NAV2: variants seen among roughly 807,000 people sequenced by gnomAD.
The protein encoded by NAV2 is helicase, APC down-regulated 1.
NAV2 carries 54 observed loss-of-function variants against 223.2 expected under a neutral mutation model. The ratio of observed to expected loss-of-function variants is 0.24; its 90% confidence interval spans 0.19 to 0.30. The LOEUF is 0.30. NAV2 is among the 10% of genes least tolerant of loss of function. The pLI, the probability that NAV2 is intolerant of heterozygous loss-of-function variation, is 1.00. For missense variants in NAV2, 2,806 were observed against 3,147.5 expected (o/e 0.89, Z 2.60); for synonymous variants, 1,279 against 1,239.3 (o/e 1.03, Z -0.67).
intron 1 of NAV2, among the ~76,000 whole-genome samples, chr11:19,553,750 G>A (rs193249187): frequency 9.7e-4 from 148 of 152,368 alleles, no homozygotes; most frequent in Non-Finnish European, 1.6e-3. Flanking sequence ...TGCAGAGCAG[G>A]TCTGGCCATT....
chr11:19,713,505 C>G lies in NAV2; in HGVS notation c.-191C>G. ...CCGTGGCCAGTCCCCCATTCCCATC[C>G]CGGCACCCCAAAGGCGCGCTCGCCC... On this transcript the variant is annotated 5_prime_UTR_variant, in exon 1 of 38. Transcript: ENST00000349880. The surrounding 1 kb of genome is among the most constrained non-coding windows in gnomAD (Gnocchi z 7.2). The G allele has an allele frequency of 7.2e-7, 1 of 1,380,600 alleles. No homozygotes were observed. The highest frequency in any genetic ancestry group is 1.9e-5 in the South Asian group (1 of 53,500). The allele number at this position is 1,380,600 out of a possible 1,614,324, so 85.5% of individuals were successfully genotyped here. A position where few individuals can be genotyped will look rare whatever the true frequency, so the allele number is the denominator to read the frequency against.
Position 20,118,445 on chromosome 11 carries a change from C to T in NAV2, c.*187C>T, listed in dbSNP as rs1025523303. 13 of 644,752 alleles carry T rather than the reference C, an allele frequency of 2.0e-5. No homozygotes were observed. In the East Asian group the frequency reaches 2.1e-4, roughly 10 times the overall value. The allele number at this position is 644,752 out of a possible 1,614,324, so 39.9% of individuals were successfully genotyped here. On this transcript the variant is annotated 3_prime_UTR_variant, in exon 38 of 38. Coordinates refer to ENST00000349880, the MANE Select transcript of NAV2 (RefSeq NM_145117.5). ...CATCCCGGGCCAGCTGCCTGCGGAC[C>T]GCTTCCTTCCACAGCGAGAACTGCA...
chr11:19,758,554 T>C (rs948901466), intron 1 of NAV2, among the ~76,000 whole-genome samples: 11 of 152,098 alleles, frequency 7.2e-5, no homozygotes, highest in Non-Finnish European at 1.5e-4. Context: ...CACCAATGTA[T>C]GGAAGGAGAC....
chr11:19,490,326 G>A (rs2042583785), intron 1 of NAV2, among the ~76,000 whole-genome samples: 1 of 152,170 alleles, frequency 6.6e-6, no homozygotes, highest in African/African-American at 2.4e-5. Context: ...TCTGTAGCAT[G>A]TGATGCTATT....
chr11:19,644,790 T>C (rs929935481), intron 1 of NAV2, among the ~76,000 whole-genome samples: 1 of 152,084 alleles, frequency 6.6e-6, no homozygotes, highest in African/African-American at 2.4e-5. Flanking sequence ...AAAATCAGGA[T>C]AGATGGGCCA....
chr11:19,381,948 T>C (rs1848853028), intron 1 of NAV2, among the ~76,000 whole-genome samples: 1 of 152,162 alleles, frequency 6.6e-6, no homozygotes, highest in Non-Finnish European at 1.5e-5. Context: ...AAAGCAGCTC[T>C]GGGCAGTGTG....
At chr11:19,784,048 G>A (rs892755304) in intron 1 of NAV2, among the ~76,000 whole-genome samples, 3 of 152,108 alleles carry the variant, frequency 2.0e-5, no homozygotes, top group Non-Finnish European at 4.4e-5. Context: ...AGGGTGAGAA[G>A]GATAGGGAGG....
intron 11 of NAV2, among the ~76,000 whole-genome samples, chr11:19,990,106 G>A (rs145769339): frequency 2.6e-5 from 4 of 152,304 alleles, no homozygotes; most frequent in East Asian, 1.9e-4. Context: ...TGGACCGTGC[G>A]AGTGGGCTTG....
At chr11:19,430,812 A>G (rs1054054842) in intron 1 of NAV2, among the ~76,000 whole-genome samples, 12 of 152,192 alleles carry the variant, frequency 7.9e-5, no homozygotes, top group African/African-American at 2.9e-4. Flanking sequence ...TGTCCGTGGA[A>G]AGGTCCGCTC....
At chr11:19,863,460 C>A (rs764849089) in intron 3 of NAV2, among the ~76,000 whole-genome samples, 53 of 152,308 alleles carry the variant, frequency 3.5e-4, no homozygotes, top group Non-Finnish European at 3.8e-4. Context: ...CTGGCTAACT[C>A]CTTAGGTCTC....
intron 1 of NAV2, chr11:19,777,350 A>T (rs2056330749): frequency 3.0e-6 from 1 of 334,020 alleles, no homozygotes. Context: ...CGCGGCCGAG[A>T]GGAGACCCGG....
At chr11:20,001,622 G>T (rs948731955) in intron 11 of NAV2, among the ~76,000 whole-genome samples, 3 of 147,058 alleles carry the variant, frequency 2.0e-5, no homozygotes. Context: ...GCAAGCCACC[G>T]CATGTTCTCA....
At chr11:20,022,157 GT>G (rs2054564833) in intron 11 of NAV2, among the ~76,000 whole-genome samples, 1 of 152,174 alleles carries the variant, frequency 6.6e-6, no homozygotes, top group Admixed American at 6.5e-5. Context: ...TTAATCCTTC[GT>G]TTTCAAATAA....
intron 1 of NAV2, among the ~76,000 whole-genome samples, chr11:19,479,596 G>A (rs536751862): frequency 1.7e-4 from 26 of 152,266 alleles, no homozygotes; most frequent in African/African-American, 4.3e-4. Flanking sequence ...ACTGGGATTC[G>A]GAACTAAGCT....
chr11:19,526,689 G>C (rs1229662935), intron 1 of NAV2, among the ~76,000 whole-genome samples: 1 of 151,932 alleles, frequency 6.6e-6, no homozygotes, highest in Non-Finnish European at 1.5e-5. Flanking sequence ...GGATGGCTGG[G>C]GAAGCTCTCC....
intron 1 of NAV2, among the ~76,000 whole-genome samples, chr11:19,596,774 G>A (rs1440383298): frequency 6.6e-6 from 1 of 152,236 alleles, no homozygotes; most frequent in Non-Finnish European, 1.5e-5. Flanking sequence ...ACTTCCGAGA[G>A]CATCTGTAGA....
At chr11:19,452,509 C>G (rs1564947392) in intron 1 of NAV2, among the ~76,000 whole-genome samples, 1 of 152,208 alleles carries the variant, frequency 6.6e-6, no homozygotes, top group Non-Finnish European at 1.5e-5. Context: ...CTTCCACAGT[C>G]CTGTACTGAT....
Position 20,103,180 on chromosome 11 carries a change from A to AAAGG in NAV2, c.6418-74_6418-71dup, listed in dbSNP as rs2061761494. 3.4e-6 allele frequency: 5 copies of AAAGG among 1,458,744 alleles called. No individual in the cohort carries two copies. The South Asian group carries it at 6.5e-5, about 19-fold the overall frequency. The allele number at this position is 1,458,744 out of a possible 1,614,324, so 90.4% of individuals were successfully genotyped here. A position where few individuals can be genotyped will look rare whatever the true frequency, so the allele number is the denominator to read the frequency against. On this transcript the variant is annotated intron_variant, in intron 32 of 37. Coordinates refer to ENST00000349880, the MANE Select transcript of NAV2 (RefSeq NM_145117.5). ...CTGCCTCCACTGGCCTGGGTGAGGC[A>AAAGG]AAGGCCCTGAGCGGTGTGTCTTCAC... is the stretch of plus-strand genomic sequence containing the variant.
chr11:19,510,350 C>G (rs1290801762), intron 1 of NAV2, among the ~76,000 whole-genome samples: 1 of 152,170 alleles, frequency 6.6e-6, no homozygotes, highest in Non-Finnish European at 1.5e-5. Context: ...TGGATGCTGT[C>G]CTGAAACCTA....
Sources: gnomAD v4.1 joint callset for allele counts (sites outside exome capture counted in the v4.1 genomes callset) on GRCh38, gnomAD v4.1.1 for gene constraint, Gnocchi (gnomAD v3.1) non-coding constraint, MANE v1.5 for transcripts, NCBI Gene and HGNC (gene_info 2026-07-23, HGNC 2026-07-21) for gene names.